TENM2: variants seen among roughly 807,000 people sequenced by gnomAD.
TENM2 encodes teneurin transmembrane protein 2, also known as teneurin-2.
A neutral mutation model predicts 245.2 loss-of-function variants in TENM2; 52 were observed. The ratio of observed to expected loss-of-function variants is 0.21; its 90% CI spans 0.17 to 0.27. TENM2 has a LOEUF of 0.27. Among genes scored for constraint, TENM2 ranks in the 10% least tolerant of loss-of-function variants. The pLI is 1.00. For synonymous variants in TENM2, 1,363 were observed against 1,438.9 expected (o/e 0.95, Z 1.19); for missense variants, 3,046 against 3,666.8 (o/e 0.83, Z 4.37).
the TENM2 span, among the ~76,000 whole-genome samples, chr5:167,177,696 T>A: frequency 6.6e-6 from 1 of 152,276 alleles, no homozygotes; most frequent in African/African-American, 2.4e-5. Context: ...CCCATATTCG[T>A]GTCAGGGAAA....
At chr5:167,771,633 C>T (rs1280602512) in intron 2 of TENM2, among the ~76,000 whole-genome samples, 1 of 152,172 alleles carries the variant, frequency 6.6e-6, no homozygotes, top group African/African-American at 2.4e-5. Context: ...TCATAGGCAA[C>T]AGTCTCATGA....
chr5:168,153,174 C>T (rs1333913041), intron 12 of TENM2, among the ~76,000 whole-genome samples: 1 of 152,092 alleles, frequency 6.6e-6, no homozygotes, highest in Admixed American at 6.5e-5. Context: ...CATTGAACCG[C>T]TTGCTCTCAT....
At chr5:167,823,390 A>C (rs1767698570) in intron 2 of TENM2, among the ~76,000 whole-genome samples, 1 of 152,180 alleles carries the variant, frequency 6.6e-6, no homozygotes. Context: ...CCACACACTC[A>C]CACACACGCA....
intron 2 of TENM2, among the ~76,000 whole-genome samples, chr5:167,382,700 C>A (rs1264569792): frequency 6.6e-6 from 1 of 152,088 alleles, no homozygotes; most frequent in Non-Finnish European, 1.5e-5. Flanking sequence ...AACACCATGG[C>A]AGTCTTTCCA....
intron 2 of TENM2, among the ~76,000 whole-genome samples, chr5:167,499,461 A>G (rs1040321812): frequency 1.3e-5 from 2 of 152,198 alleles, no homozygotes; most frequent in Non-Finnish European, 2.9e-5. Flanking sequence ...TGCTTTTTCT[A>G]GAAGTTGCTC....
At chr5:168,116,621 A>G (rs12187477) in intron 9 of TENM2, among the ~76,000 whole-genome samples, 86,604 of 151,980 alleles carry the variant, frequency 0.57, 25,107 homozygotes, top group African/African-American at 0.67. Context: ...CACCATTGAT[A>G]AACGTAGCAA....
At chr5:167,780,844 T>C (rs1057491817) in intron 2 of TENM2, among the ~76,000 whole-genome samples, 1 of 152,204 alleles carries the variant, frequency 6.6e-6, no homozygotes, top group African/African-American at 2.4e-5. Context: ...TTGTAAAACA[T>C]AATTACTGCA....
At chr5:167,256,845 A>G in the TENM2 span, among the ~76,000 whole-genome samples, 1 of 152,142 alleles carries the variant, frequency 6.6e-6, no homozygotes, top group Non-Finnish European at 1.5e-5. Context: ...TGGGAAAAAG[A>G]AAAGAGAAAG....
At chr5:167,340,562 G>A (rs1471546303) in intron 1 of TENM2, among the ~76,000 whole-genome samples, 1 of 152,102 alleles carries the variant, frequency 6.6e-6, no homozygotes, top group Non-Finnish European at 1.5e-5. Context: ...TTGGATCAGT[G>A]CTTCCCTCTC....
chr5:168,195,435 C>A, intron 15 of TENM2, 140 bp downstream of exon 17: 2 of 986,628 alleles, frequency 2.0e-6, no homozygotes, highest in Non-Finnish European at 1.5e-6. Flanking sequence ...GTGAGGATTC[C>A]CCCAAAGACA....
chr5:167,176,322 T>TTTGTGAAG, the TENM2 span, among the ~76,000 whole-genome samples: 1 of 152,220 alleles, frequency 6.6e-6, no homozygotes, highest in Non-Finnish European at 1.5e-5. Flanking sequence ...ACGTAGCCCT[T>TTTGTGAAG]TACTTTTGTG....
At chr5:167,101,827 C>G in the TENM2 span, among the ~76,000 whole-genome samples, 1 of 68,176 alleles carries the variant, frequency 1.5e-5, no homozygotes, top group Non-Finnish European at 3.0e-5. Context: ...AGCTGGGGCT[C>G]TTGACATTTA....
chr5:167,842,414 GA>G (rs1769612139), intron 2 of TENM2, among the ~76,000 whole-genome samples: 1 of 151,574 alleles, frequency 6.6e-6, no homozygotes, highest in Admixed American at 6.6e-5. Flanking sequence ...CTTGGTGAAA[GA>G]CTATCTCTAC....
chr5:167,915,641 TACAACAAAAACA>T (rs1476743531), intron 3 of TENM2, among the ~76,000 whole-genome samples: 1 of 152,154 alleles, frequency 6.6e-6, no homozygotes, highest in South Asian at 2.1e-4. Context: ...TCCCTCCCCT[TACAACAAAAACA>T]ACAACAAAAA....
chr5:167,528,014 A>C (rs1359613184), intron 2 of TENM2, among the ~76,000 whole-genome samples: 2 of 152,182 alleles, frequency 1.3e-5, no homozygotes, highest in Non-Finnish European at 2.9e-5. Context: ...AATTCTTTTT[A>C]ATAAGGCCTT....
rs188664336 is a variant in TENM2, at chr5:168,260,502, G to A, written c.7563+89G>A. 5.6e-3 allele frequency: 8,310 copies of A among 1,487,902 alleles called. 37 individuals are homozygous for A. The highest frequency in any genetic ancestry group is 6.5e-3 in the Non-Finnish European group (7,047 of 1,087,492). The allele number at this position is 1,487,902 out of a possible 1,614,324, so 92.2% of individuals were successfully genotyped here. The stretch of plus-strand genomic sequence containing the variant: ...TCATGGGAGCCAGGGGCATGTCAGC[G>A]CAGGAAAACATTGGAGCTGGGTATA... On this transcript the variant is annotated intron_variant, in intron 28 of 28. Coordinates refer to ENST00000518659, the Ensembl canonical transcript of TENM2.
intron 4 of TENM2, among the ~76,000 whole-genome samples, chr5:167,989,182 T>G (rs533288083): frequency 4.6e-5 from 7 of 151,570 alleles, no homozygotes; most frequent in African/African-American, 1.7e-4. Context: ...AGAAAGAGAT[T>G]AATAACACCA....
At position 167,417,410 on chromosome 5, in the gene TENM2, G is replaced by T. The variant is rs182651498; in HGVS notation, c.502+41937G>T. Among the ~76,000 whole-genome samples the T allele has an allele frequency of 3.8e-3, 579 of 152,190 alleles. 6 individuals are homozygous for T. Among genetic ancestry groups the T allele is most frequent in the Non-Finnish European group, 3.1e-3 (209 of 68,012 alleles). On this transcript the variant is annotated intron_variant, in intron 2 of 28. Coordinates refer to ENST00000518659, the Ensembl canonical transcript of TENM2. ...CAGTAGAACCTATATATACTGAATT[G>T]CCAGATGGATCTCTTAAATTTTTAT...
At chr5:167,016,633 A>G in the TENM2 span, among the ~76,000 whole-genome samples, 1 of 152,248 alleles carries the variant, frequency 6.6e-6, no homozygotes, top group Non-Finnish European at 1.5e-5. Flanking sequence ...AAATTCTGCA[A>G]TATGCGACAA....
Sources: allele counts gnomAD v4.1 joint callset (sites outside exome capture counted in the v4.1 genomes callset), GRCh38; gene constraint gnomAD v4.1.1; transcripts MANE v1.5; gene names NCBI Gene and HGNC (gene_info 2026-07-23, HGNC 2026-07-21).